NLGN1: variants seen among roughly 807,000 people sequenced by gnomAD.
The protein encoded by NLGN1 is neuroligin 1, also known as neuroligin-1.
A neutral mutation model predicts 65.5 loss-of-function variants in NLGN1; 12 were observed. That is an observed-to-expected ratio of 0.18 (90% CI 0.12 to 0.30). The LOEUF (loss-of-function observed/expected upper bound fraction) is 0.30. Ranked by LOEUF, NLGN1 falls within the 10% of genes least tolerant of loss-of-function variation. The pLI, the probability that NLGN1 is intolerant of heterozygous loss-of-function variation, is 1.00. For missense variants in NLGN1, 750 were observed against 1,007.1 expected, an observed-to-expected ratio of 0.74 and a Z score of 3.46; for synonymous variants, 350 against 359.5, an observed-to-expected ratio of 0.97 and a Z score of 0.30.
intron 1 of NLGN1, among the ~76,000 whole-genome samples, chr3:173,425,447 A>G (rs1374591436): frequency 3.3e-5 from 5 of 152,020 alleles, no homozygotes; most frequent in Admixed American, 2.6e-4. Context: ...ATGTTTTCCC[A>G]GTGTTTTTTC....
chr3:173,718,210 A>G (rs1163779775), intron 3 of NLGN1, among the ~76,000 whole-genome samples: 2 of 152,104 alleles, frequency 1.3e-5, no homozygotes, highest in Non-Finnish European at 2.9e-5. Flanking sequence ...TGTTAACTAT[A>G]ATGACTCTAT....
At chr3:173,820,644 A>G (rs916076818) in intron 4 of NLGN1, among the ~76,000 whole-genome samples, 5 of 152,224 alleles carry the variant, frequency 3.3e-5, no homozygotes, top group African/African-American at 1.2e-4. Flanking sequence ...AAACAGAGCA[A>G]TTAAAACAAT....
At chr3:174,288,938 A>G (rs1295882454), downstream of NLGN1, among the ~76,000 whole-genome samples, 4 of 151,450 alleles carry the variant, frequency 2.6e-5, no homozygotes, top group Non-Finnish European at 4.4e-5. Context: ...GCCCTTGATC[A>G]TTTGAGTTTT....
At position 174,058,102 on chromosome 3, in the gene NLGN1, T is replaced by C. The variant is rs1381423907; in HGVS notation, c.647-217213T>C. Among the ~76,000 whole-genome samples, 4 of 152,082 alleles carry C rather than the reference T, an allele frequency of 2.6e-5. No individual in the cohort carries two copies. In the East Asian group the frequency reaches 7.7e-4, roughly 29 times the overall value. ...AGATGGCAAGTGGTAACAAGGCAGG[T>C]AAGAGTATATTCACCAGTATTTTTT... On this transcript the variant is annotated intron_variant, in intron 4 of 6. Coordinates refer to ENST00000457714, the Ensembl canonical transcript of NLGN1.
intron 4 of NLGN1, among the ~76,000 whole-genome samples, chr3:174,241,500 C>T (rs1412133263): frequency 4.7e-5 from 7 of 149,458 alleles, no homozygotes; most frequent in Non-Finnish European, 1.5e-5. Flanking sequence ...ACTTATCCAC[C>T]AATTAAAAAA....
At chr3:174,255,160 A>C (rs1745448809) in intron 4 of NLGN1, among the ~76,000 whole-genome samples, 1 of 152,180 alleles carries the variant, frequency 6.6e-6, no homozygotes, top group Non-Finnish European at 1.5e-5. Context: ...CCTTAGAGAC[A>C]GAAGGAGTTG....
chr3:173,788,162 C>T (rs1578432866), intron 3 of NLGN1, among the ~76,000 whole-genome samples: 1 of 102,074 alleles, frequency 9.8e-6, no homozygotes. Flanking sequence ...TTTAAATTTT[C>T]TGTATTTTTT....
chr3:173,847,924 G>A (rs981731007), intron 4 of NLGN1, among the ~76,000 whole-genome samples: 1 of 152,140 alleles, frequency 6.6e-6, no homozygotes, highest in Non-Finnish European at 1.5e-5. Context: ...ACTATATTTT[G>A]AAATTCATCT....
chr3:173,770,798 G>T (rs1010529058), intron 3 of NLGN1, among the ~76,000 whole-genome samples: 5 of 152,106 alleles, frequency 3.3e-5, no homozygotes, highest in Middle Eastern at 3.4e-3. Context: ...ATAAGATACT[G>T]CATGTGATTC....
intron 2 of NLGN1, among the ~76,000 whole-genome samples, chr3:173,504,788 A>C (rs1364238626): frequency 1.3e-5 from 2 of 151,956 alleles, no homozygotes; most frequent in Non-Finnish European, 2.9e-5. Flanking sequence ...TCCATTGACC[A>C]CGTTCTCTTT....
chr3:173,958,091 G>C (rs1381009914), intron 4 of NLGN1, among the ~76,000 whole-genome samples: 1 of 152,178 alleles, frequency 6.6e-6, no homozygotes, highest in Non-Finnish European at 1.5e-5. Flanking sequence ...CAAACAAGGT[G>C]TCACAGCCCT....
At position 173,562,043 on chromosome 3, in the gene NLGN1, T is replaced by C. The variant is rs574380235; in HGVS notation, c.-320-42236T>C. On this transcript the variant is annotated intron_variant, in intron 2 of 6. Coordinates refer to ENST00000457714, the Ensembl canonical transcript of NLGN1. ...TTTTGTTTTCGTTTGTTTGTTTTTT[T>C]AGATGGTGGGGAAGCATGAAGACAT... Among the ~76,000 whole-genome samples the C allele has an allele frequency of 2.6e-5, 4 of 152,320 alleles. No homozygotes were observed. The South Asian group carries it at 6.2e-4, about 24-fold the overall frequency.
intron 4 of NLGN1, among the ~76,000 whole-genome samples, chr3:174,037,941 C>T (rs985046416): frequency 2.7e-5 from 4 of 150,722 alleles, no homozygotes; most frequent in African/African-American, 9.7e-5. Context: ...GAGAAAGTGT[C>T]GATGCAAAAA....
chr3:173,425,259 G>C (rs370547938), intron 1 of NLGN1, among the ~76,000 whole-genome samples: 2 of 152,144 alleles, frequency 1.3e-5, no homozygotes, highest in African/African-American at 4.8e-5. Flanking sequence ...TTCACGATGA[G>C]ATTTGGGTGG....
rs375291621 is a variant in NLGN1 at position 173,605,140 on chromosome 3, T to C, written c.493+49T>C. The C allele has an allele frequency of 1.6e-5, 23 of 1,435,030 alleles. No homozygotes were observed. The African/African-American group carries it at 2.4e-4, about 15-fold the overall frequency. 88.9% of individuals were successfully genotyped at this position (1,435,030 alleles called of 1,614,324 possible). Reference sequence around the variant, plus strand: ...GGGAGATATATTTATATATTTTTTCTATTCTAAGTTCTAACAATATTAATT... The same window carrying C: ...GGGAGATATATTTATATATTTTTTCCATTCTAAGTTCTAACAATATTAATT... On this transcript the variant is annotated intron_variant, in intron 3 of 6. Transcript: ENST00000457714.
intron 3 of NLGN1, among the ~76,000 whole-genome samples, chr3:173,762,540 G>A (rs1036157825): frequency 6.6e-6 from 1 of 152,042 alleles, no homozygotes; most frequent in East Asian, 1.9e-4. Flanking sequence ...AATGGTGGGG[G>A]AAATAATGTA....
At chr3:173,685,430 C>T (rs16829510) in intron 3 of NLGN1, among the ~76,000 whole-genome samples, 2,209 of 152,216 alleles carry the variant, frequency 0.015, 66 homozygotes, top group African/African-American at 0.051. Flanking sequence ...TTTGAACTGT[C>T]CTAAACACTG....
intron 4 of NLGN1, among the ~76,000 whole-genome samples, chr3:174,109,022 T>A (rs1476271071): frequency 6.6e-6 from 1 of 152,052 alleles, no homozygotes; most frequent in Non-Finnish European, 1.5e-5. Flanking sequence ...CAGCAAAAAC[T>A]GCCCTATAAA....
chr3:173,719,097 A>G (rs909535309), intron 3 of NLGN1, among the ~76,000 whole-genome samples: 1 of 152,166 alleles, frequency 6.6e-6, no homozygotes, highest in East Asian at 1.9e-4. Context: ...GTTTCCTCAA[A>G]GCAAAGCACT....
Sources: allele counts gnomAD v4.1 joint callset (sites outside exome capture counted in the v4.1 genomes callset), GRCh38; gene constraint gnomAD v4.1.1; transcripts MANE v1.5; gene names NCBI Gene and HGNC (gene_info 2026-07-23, HGNC 2026-07-21).